THTPA: variants seen among roughly 807,000 people sequenced by gnomAD.
THTPA encodes the protein thiamine triphosphatase.
In THTPA, 16 loss-of-function variants were observed where a neutral mutation model predicts 16.5. The ratio of observed to expected loss-of-function variants is 0.97; its 90% CI spans 0.66 to 1.47. THTPA has a LOEUF of 1.47. THTPA is among the 40% of genes most tolerant of loss of function. The pLI, the probability that THTPA is intolerant of heterozygous loss-of-function variation, is 0.00. For missense variants in THTPA, 281 were observed against 280.9 expected, an observed-to-expected ratio of 1.00 and a Z score of 0.00; for synonymous variants, 110 against 115.5, an observed-to-expected ratio of 0.95 and a Z score of 0.30.
the THTPA span, among the ~76,000 whole-genome samples, chr14:23,518,410 A>G: frequency 6.6e-6 from 1 of 152,226 alleles, no homozygotes; most frequent in Non-Finnish European, 1.5e-5. This position sits in a 1 kb window ranked among gnomAD's most constrained non-coding sequence, Gnocchi z 4.5. Flanking sequence ...AGTATACTCC[A>G]GGGCTGGAAG....
the THTPA span, chr14:23,542,794 G>A: frequency 6.6e-6 from 1 of 151,846 alleles, no homozygotes; most frequent in Non-Finnish European, 1.5e-5. Context: ...GAAGTGCAGT[G>A]GTGTGATCTC....
the THTPA span, chr14:23,526,876 T>C: frequency 6.5e-7 from 1 of 1,534,104 alleles, no homozygotes; most frequent in Non-Finnish European, 8.7e-7. Flanking sequence ...CGGTGTAGGC[T>C]CTGGCCCATG....
chr14:23,526,414 G>A, the THTPA span: 9 of 1,536,272 alleles, frequency 5.9e-6, no homozygotes, highest in Non-Finnish European at 7.8e-6. Context: ...CAAAGTTGGT[G>A]GTTTTCCGAT....
the THTPA span, chr14:23,522,655 C>T: frequency 1.3e-6 from 2 of 1,536,338 alleles, no homozygotes; most frequent in Non-Finnish European, 1.7e-6. Flanking sequence ...GGAACTGGCC[C>T]CCCAACAGGG....
the THTPA span, chr14:23,523,759 A>T: frequency 1.3e-6 from 2 of 1,535,816 alleles, no homozygotes; most frequent in Admixed American, 2.0e-5. This position sits in a 1 kb window ranked among gnomAD's most constrained non-coding sequence, Gnocchi z 4.1. Context: ...GCCCCATTCC[A>T]TCTGGAACCC....
At chr14:23,522,232 G>A in the THTPA span, 1 of 1,478,678 alleles carries the variant, frequency 6.8e-7, no homozygotes, top group Non-Finnish European at 9.0e-7. Flanking sequence ...GGGGTGGCAT[G>A]GAGCCCCCAG....
At chr14:23,524,272 G>C in the THTPA span, 1 of 1,536,392 alleles carries the variant, frequency 6.5e-7, no homozygotes, top group Non-Finnish European at 8.7e-7. The surrounding 1 kb of genome is among the most constrained non-coding windows in gnomAD (Gnocchi z 5.6). Context: ...CCTCCTCGGA[G>C]ATGCAGTCGA....
chr14:23,512,411 G>A, the THTPA span, among the ~76,000 whole-genome samples: 16 of 152,098 alleles, frequency 1.1e-4, no homozygotes, highest in Middle Eastern at 3.4e-3. Flanking sequence ...GGGGCTGTGC[G>A]GCTGGGGGTG....
the THTPA span, chr14:23,543,250 A>T: frequency 6.6e-6 from 1 of 152,246 alleles, no homozygotes; most frequent in Non-Finnish European, 1.5e-5. Flanking sequence ...CTGATGCAAT[A>T]GATGTAGCTA....
rs765293336 is a variant in THTPA, at chr14:23,559,019, C to T, written c.*179C>T. The T allele has an allele frequency of 3.3e-5, 24 of 721,302 alleles. No individual in the cohort carries two copies. The Admixed American group carries it at 3.9e-4, about 12-fold the overall frequency. The allele number at this position is 721,302 out of a possible 1,614,324, so 44.7% of individuals were successfully genotyped here. A position where few individuals can be genotyped will look rare whatever the true frequency, so the allele number is the denominator to read the frequency against. On this transcript the variant is annotated 3_prime_UTR_variant, in exon 2 of 2. Coordinates refer to ENST00000288014, the MANE Select transcript of THTPA (RefSeq NM_024328.6). ...TGAGCCCTCCCTGGCTGCTTCCTCT[C>T]GCTCATCCGTCAGATGCAATCTGTG...
chr14:23,524,571 G>T, the THTPA span: 2 of 1,534,022 alleles, frequency 1.3e-6, no homozygotes, highest in African/African-American at 2.7e-5. This position sits in a 1 kb window ranked among gnomAD's most constrained non-coding sequence, Gnocchi z 5.6. Context: ...GGCAGGAAAT[G>T]TAGTCGGCGG....
chr14:23,547,528 G>C, the THTPA span, among the ~76,000 whole-genome samples: 2 of 152,100 alleles, frequency 1.3e-5, no homozygotes, highest in Non-Finnish European at 2.9e-5. Context: ...TCCTAGGGCT[G>C]TTCATTCATG....
chr14:23,523,041 C>T, the THTPA span: 32 of 1,407,840 alleles, frequency 2.3e-5, no homozygotes, highest in Non-Finnish European at 2.7e-5. The surrounding 1 kb of genome is among the most constrained non-coding windows in gnomAD (Gnocchi z 4.1). Flanking sequence ...TTCCCAGCAC[C>T]GGATTTCCAT....
At chr14:23,526,181 C>T in the THTPA span, 9 of 1,536,534 alleles carry the variant, frequency 5.9e-6, no homozygotes, top group East Asian at 2.4e-5. Context: ...GTAGGAGACT[C>T]TGCAGACTGT....
the THTPA span, chr14:23,525,804 G>A: frequency 5.4e-6 from 8 of 1,472,306 alleles, no homozygotes; most frequent in Non-Finnish European, 7.2e-6. This position sits in a 1 kb window ranked among gnomAD's most constrained non-coding sequence, Gnocchi z 5.9. Flanking sequence ...GGCCCAGCTA[G>A]TGTCAGCTTG....
At chr14:23,522,230 A>G in the THTPA span, 2 of 1,478,828 alleles carry the variant, frequency 1.4e-6, no homozygotes, top group African/African-American at 1.4e-5. Flanking sequence ...TGGGGGTGGC[A>G]TGGAGCCCCC....
At chr14:23,535,773 G>A in the THTPA span, among the ~76,000 whole-genome samples, 1 of 152,002 alleles carries the variant, frequency 6.6e-6, no homozygotes, top group African/African-American at 2.4e-5. The surrounding 1 kb of genome is among the most constrained non-coding windows in gnomAD (Gnocchi z 4.5). Context: ...TGTATTTTTA[G>A]TAGAGACGGG....
the THTPA span, chr14:23,522,719 C>G: frequency 6.5e-7 from 1 of 1,536,478 alleles, no homozygotes; most frequent in African/African-American, 1.4e-5. Context: ...ATTGGAGGAG[C>G]TGGTGGGGCC....
At chr14:23,514,216 A>G in the THTPA span, 1 of 152,274 alleles carries the variant, frequency 6.6e-6, no homozygotes, top group South Asian at 2.1e-4. Context: ...TGTTTGGGAG[A>G]CCAGATTTTT....
Sources: allele counts gnomAD v4.1 joint callset (sites outside exome capture counted in the v4.1 genomes callset), GRCh38; gene constraint gnomAD v4.1.1; non-coding constraint Gnocchi (gnomAD v3.1); transcripts MANE v1.5; gene names NCBI Gene and HGNC (gene_info 2026-07-23, HGNC 2026-07-21).